Variants in EPHA3 observed in about 807,000 individuals in gnomAD.
EPHA3 encodes ephrin type-A receptor 3.
EPHA3 carries 42 observed loss-of-function variants against 107.1 expected under a neutral mutation model. That is an observed-to-expected ratio of 0.39 (90% confidence interval 0.31 to 0.51). EPHA3 has a LOEUF of 0.51. EPHA3 is among the 20% of genes least tolerant of loss of function. The pLI is 0.78. For synonymous variants in EPHA3, 461 were observed against 424.8 expected (o/e 1.09, Z -1.05); for missense variants, 1,183 against 1,211.2 (o/e 0.98, Z 0.35).
chr3:89,283,625 G>A (rs1706002269), intron 3 of EPHA3, among the ~76,000 whole-genome samples: 1 of 151,996 alleles, frequency 6.6e-6, no homozygotes, highest in East Asian at 1.9e-4. Flanking sequence ...AGTAACTGAA[G>A]GACAGGCCAA....
At chr3:89,385,415 G>A (rs1053534494) in intron 5 of EPHA3, among the ~76,000 whole-genome samples, 6 of 152,154 alleles carry the variant, frequency 3.9e-5, no homozygotes, top group African/African-American at 1.4e-4. Flanking sequence ...TCATCATAGT[G>A]AGTTCTCGCA....
At chr3:89,263,515 C>A (rs1705470371) in intron 3 of EPHA3, among the ~76,000 whole-genome samples, 2 of 152,132 alleles carry the variant, frequency 1.3e-5, no homozygotes, top group Non-Finnish European at 2.9e-5. Context: ...TGGCTCTCAG[C>A]AGTAACGGGA....
intron 2 of EPHA3, among the ~76,000 whole-genome samples, chr3:89,206,176 C>T (rs1239938326): frequency 1.3e-5 from 2 of 152,088 alleles, no homozygotes; most frequent in Admixed American, 1.3e-4. Context: ...TCCTTGCAAC[C>T]TTTTATGTGC....
chr3:89,247,524 T>G (rs1705064764), intron 3 of EPHA3, among the ~76,000 whole-genome samples: 1 of 152,186 alleles, frequency 6.6e-6, no homozygotes, highest in African/African-American at 2.4e-5. Context: ...TGTGATGGGT[T>G]TATCTAGACT....
chr3:89,409,428 G>C (rs1709115518), intron 9 of EPHA3, among the ~76,000 whole-genome samples: 1 of 151,960 alleles, frequency 6.6e-6, no homozygotes, highest in Non-Finnish European at 1.5e-5. Context: ...TTTAGAGCAA[G>C]ACCATGCTGA....
intron 3 of EPHA3, among the ~76,000 whole-genome samples, chr3:89,254,810 T>A (rs1705243090): frequency 6.6e-6 from 1 of 152,266 alleles, no homozygotes; most frequent in African/African-American, 2.4e-5. Flanking sequence ...TCAAGAGAGC[T>A]GGAAGCTTCA....
At chr3:89,246,061 C>T (rs1041158421) in intron 3 of EPHA3, among the ~76,000 whole-genome samples, 18 of 151,838 alleles carry the variant, frequency 1.2e-4, no homozygotes, top group African/African-American at 3.1e-4. Flanking sequence ...GACTCTCTTA[C>T]GCTCAATTTA....
intron 3 of EPHA3, among the ~76,000 whole-genome samples, chr3:89,217,619 A>G (rs1190961721): frequency 6.6e-6 from 1 of 152,138 alleles, no homozygotes; most frequent in Non-Finnish European, 1.5e-5. Context: ...TCCACCACAG[A>G]CTTTTTGTAT....
At chr3:89,173,031 T>C (rs139130577) in intron 2 of EPHA3, among the ~76,000 whole-genome samples, 25 of 152,126 alleles carry the variant, frequency 1.6e-4, no homozygotes, top group African/African-American at 6.0e-4. Flanking sequence ...TTATAACAAG[T>C]ACAGTATTCA....
intron 5 of EPHA3, among the ~76,000 whole-genome samples, chr3:89,389,716 T>C (rs1291989291): frequency 2.0e-5 from 3 of 152,238 alleles, no homozygotes; most frequent in Non-Finnish European, 1.5e-5. Flanking sequence ...TCCATGTCTG[T>C]CACCAGATCT....
intron 2 of EPHA3, among the ~76,000 whole-genome samples, chr3:89,147,188 G>T (rs567461108): frequency 4.1e-4 from 62 of 151,864 alleles, no homozygotes; most frequent in Middle Eastern, 3.4e-3. Context: ...CCTGTCGGGG[G>T]TGGGGGTAAG....
chr3:89,134,622 C>G (rs899833715), intron 2 of EPHA3, among the ~76,000 whole-genome samples: 57 of 152,096 alleles, frequency 3.7e-4, no homozygotes, highest in African/African-American at 8.2e-4. Context: ...TATCATTGTT[C>G]GACATTTGGG....
In EPHA3 at chr3:89,341,088, C is replaced by T. The variant is rs758234454; in HGVS notation, c.970+17C>T. The T allele has an allele frequency of 6.2e-7, 1 of 1,607,450 alleles. No individual in the cohort carries two copies. Among genetic ancestry groups the T allele is most frequent in the African/African-American group, 1.3e-5 (1 of 74,668 alleles). ...CTTGTACCCGTGAGTAGTTTTGCTG[C>T]AACCCATGCCTCCATGTTTGTTTTG... On this transcript the variant is annotated intron_variant, in intron 4 of 16. Transcript: ENST00000336596.
intron 3 of EPHA3, among the ~76,000 whole-genome samples, chr3:89,214,019 A>G (rs1478892035): frequency 1.3e-5 from 2 of 152,052 alleles, no homozygotes; most frequent in African/African-American, 4.8e-5. Context: ...CAGATACATT[A>G]TAGCTTTATA....
At chr3:89,107,906 C>A (rs1280032985) in intron 1 of EPHA3, 70 bp downstream of exon 1, 3 of 1,475,052 alleles carry the variant, frequency 2.0e-6, no homozygotes, top group East Asian at 2.3e-5. Context: ...ACGTTCTCAC[C>A]GAAGCCTTGC....
intron 2 of EPHA3, among the ~76,000 whole-genome samples, chr3:89,153,322 A>G (rs1249089597): frequency 1.3e-5 from 2 of 152,032 alleles, no homozygotes; most frequent in African/African-American, 4.8e-5. Context: ...TTCTTCATTG[A>G]CTTTGCTGTT....
At chr3:89,365,163 G>A (rs1708163933) in intron 5 of EPHA3, among the ~76,000 whole-genome samples, 1 of 150,894 alleles carries the variant, frequency 6.6e-6, no homozygotes, top group Non-Finnish European at 1.5e-5. Context: ...AGGTTTTCTT[G>A]AAGAGGTGGG....
intron 3 of EPHA3, among the ~76,000 whole-genome samples, chr3:89,247,297 C>T (rs948861796): frequency 8.6e-5 from 13 of 151,850 alleles, no homozygotes; most frequent in Admixed American, 7.9e-4. Flanking sequence ...AAACTTAAGG[C>T]CATACTTAAA....
intron 3 of EPHA3, among the ~76,000 whole-genome samples, chr3:89,250,174 G>A (rs1170958723): frequency 1.3e-5 from 2 of 152,194 alleles, no homozygotes; most frequent in African/African-American, 2.4e-5. Context: ...AAGGTTAACT[G>A]ATGTCATACA....
Sources: gnomAD v4.1 joint callset for allele counts (sites outside exome capture counted in the v4.1 genomes callset) on GRCh38, gnomAD v4.1.1 for gene constraint, MANE v1.5 for transcripts, NCBI Gene and HGNC (gene_info 2026-07-23, HGNC 2026-07-21) for gene names.